CACNA1G: variants seen among roughly 807,000 people sequenced by gnomAD.
The protein encoded by CACNA1G is voltage-dependent T-type calcium channel subunit alpha-1G.
A neutral mutation model predicts 219.4 loss-of-function variants in CACNA1G; 67 were observed. The ratio of observed to expected loss-of-function variants is 0.31; its 90% CI spans 0.25 to 0.37. The LOEUF (loss-of-function observed/expected upper bound fraction) is 0.37. Ranked by LOEUF, CACNA1G falls within the 10% of genes least tolerant of loss-of-function variation. The pLI, the probability that CACNA1G is intolerant of heterozygous loss-of-function variation, is 1.00. For missense variants in CACNA1G, 2,380 were observed against 3,231.4 expected, an observed-to-expected ratio of 0.74 and a Z score of 6.39; for synonymous variants, 1,296 against 1,345.3, an observed-to-expected ratio of 0.96 and a Z score of 0.80.
At chr17:50,613,564 G>A (rs1257576240) in intron 26 of CACNA1G, among the ~76,000 whole-genome samples, 3 of 152,212 alleles carry the variant, frequency 2.0e-5, no homozygotes, top group African/African-American at 7.2e-5. Flanking sequence ...GGGTGACGGG[G>A]AGAGGAGGGC....
At chr17:50,576,751 G>C (rs184872653) in intron 8 of CACNA1G, among the ~76,000 whole-genome samples, 1 of 152,226 alleles carries the variant, frequency 6.6e-6, no homozygotes. Context: ...CTTGCCCAAG[G>C]CTTTGCTATT....
chr17:50,575,879 C>A lies in CACNA1G; in HGVS notation c.1477C>A (p.His493Asn). The A allele has an allele frequency of 6.4e-7, 1 of 1,554,862 alleles. No individual in the cohort carries two copies. The highest frequency in any genetic ancestry group is 8.7e-7 in the Non-Finnish European group (1 of 1,150,546). The change falls in exon 8 of 38, where the codon CAC (histidine) becomes AAC (asparagine). Residue 493 changes from histidine to asparagine, a missense_variant. By Grantham distance (68) the His-to-Asn change is moderately conservative (BLOSUM62 1). Coordinates refer to ENST00000359106, the MANE Select transcript of CACNA1G (RefSeq NM_018896.5). ...CTCCCACCGCCGCCTATCCGTCCAC[C>A]ACCTGGTGCACCACCACCACCACCA... ...SRSHRRLSVH[H>N]LVHHHHHHHH...
intron 26 of CACNA1G, among the ~76,000 whole-genome samples, chr17:50,612,437 A>G (rs2049410812): frequency 6.6e-6 from 1 of 152,156 alleles, no homozygotes; most frequent in Non-Finnish European, 1.5e-5. Context: ...GCCCCACGGG[A>G]CGGCTAAGCC....
intron 1 of CACNA1G, among the ~76,000 whole-genome samples, chr17:50,565,382 T>TC (rs1555632630): frequency 2.9e-4 from 33 of 113,424 alleles, no homozygotes; most frequent in Admixed American, 6.8e-4. Context: ...GCTTGTGGGG[T>TC]GGGGCGGGGG....
At position 50,621,860 on chromosome 17, in the gene CACNA1G, A is replaced by T; in HGVS notation, c.6060+66A>T. The T allele has an allele frequency of 2.5e-6, 4 of 1,588,516 alleles. No individual in the cohort carries two copies. The South Asian group carries it at 4.4e-5, about 18-fold the overall frequency. On this transcript the variant is annotated intron_variant, in intron 35 of 37. Coordinates refer to ENST00000359106, the MANE Select transcript of CACNA1G (RefSeq NM_018896.5). The surrounding 1 kb of genome is among the most constrained non-coding windows in gnomAD (Gnocchi z 4.6). ...GGCTGGACTGGCTGCAGGGCTCCAG[A>T]TCGGCCCAGGGAGGGTCCTGGGGCC...
chr17:50,599,822 C>A lies in CACNA1G; in HGVS notation c.3653C>A (p.Pro1218Gln), dbSNP rs368770577. The A allele has an allele frequency of 6.8e-6, 11 of 1,611,208 alleles. No individual in the cohort carries two copies. The highest frequency in any genetic ancestry group is 1.6e-4 in the Middle Eastern group (1 of 6,084). The change falls in exon 17 of 38, where the codon CCA becomes CAA. Residue 1218 changes from proline to glutamine, a missense_variant. Physicochemically the swap from Pro to Gln is moderately conservative, Grantham distance 76. Coordinates refer to ENST00000359106, the MANE Select transcript of CACNA1G (RefSeq NM_018896.5). ...CGGGCCCTGCGGCCTGATGACCCCC[C>A]ACTGGATGGGGATGACGCCGATGAC... The part of the protein sequence containing the change: ...LARALRPDDP[P>Q]LDGDDADDEG...
At chr17:50,587,128 T>C (rs1263172814) in intron 9 of CACNA1G, among the ~76,000 whole-genome samples, 2 of 152,060 alleles carry the variant, frequency 1.3e-5, no homozygotes, top group Non-Finnish European at 2.9e-5. Flanking sequence ...GTTTGTGTGC[T>C]CTCTGTGTGA....
chr17:50,590,392 C>CTGG, intron 9 of CACNA1G, 79 bp from the exon 10 acceptor site: 1 of 1,489,376 alleles, frequency 6.7e-7, no homozygotes, highest in Non-Finnish European at 9.3e-7. Context: ...CCTCCTCTCC[C>CTGG]TGGTGTCCCA....
chr17:50,623,259 G>A, intron 35 of CACNA1G, among the ~76,000 whole-genome samples: 1 of 118,798 alleles, frequency 8.4e-6, no homozygotes. Context: ...ACCATATCCA[G>A]CTAATTTTTT....
At chr17:50,570,973 C>A (rs2039309023) in intron 4 of CACNA1G, among the ~76,000 whole-genome samples, 1 of 152,140 alleles carries the variant, frequency 6.6e-6, no homozygotes, top group Non-Finnish European at 1.5e-5. Context: ...GGGGGTGAAG[C>A]CAGCCATTAG....
intron 9 of CACNA1G, among the ~76,000 whole-genome samples, chr17:50,581,895 A>T (rs2042034731): frequency 6.6e-6 from 1 of 152,220 alleles, no homozygotes; most frequent in South Asian, 2.1e-4. Context: ...TTTGCTGGTA[A>T]ATGATTAACA....
rs556788521 is a variant in CACNA1G at position 50,605,236 on chromosome 17, C to T, written c.4297-662C>T. Among the ~76,000 whole-genome samples the T allele has an allele frequency of 1.4e-4, 21 of 152,278 alleles. No homozygotes were observed. In the South Asian group the frequency reaches 2.7e-3, roughly 20 times the overall value. On this transcript the variant is annotated intron_variant, in intron 22 of 37. Transcript: ENST00000359106. ...GCTCAGGCCCCCTGGTCCTGCCTTC[C>T]GTTTTTCACTAGTGGTCATAGCCTG...
chr17:50,618,602 C>T lies in CACNA1G; in HGVS notation c.5428-53C>T. On this transcript the variant is annotated intron_variant, in intron 32 of 37. Coordinates refer to ENST00000359106, the MANE Select transcript of CACNA1G (RefSeq NM_018896.5). This position sits in a 1 kb window ranked among gnomAD's most constrained non-coding sequence, Gnocchi z 5.3. ...ACACCAGTGACCTGATTTTCCACAA[C>T]AGCTCCAACAACTGTCCTCCCCAGC... The T allele has an allele frequency of 1.4e-6, 2 of 1,388,290 alleles. No individual in the cohort carries two copies. The highest frequency in any genetic ancestry group is 1.3e-5 in the South Asian group (1 of 79,780). 86.0% of individuals were successfully genotyped at this position (1,388,290 alleles called of 1,614,324 possible).
chr17:50,577,773 G>T (rs142540644), intron 8 of CACNA1G, among the ~76,000 whole-genome samples: 6 of 152,122 alleles, frequency 3.9e-5, no homozygotes, highest in Non-Finnish European at 5.9e-5. Flanking sequence ...GTCTGGTGTG[G>T]GTGTGTGTGC....
intron 7 of CACNA1G, among the ~76,000 whole-genome samples, chr17:50,575,146 C>T (rs2040370501): frequency 6.6e-6 from 1 of 152,216 alleles, no homozygotes; most frequent in African/African-American, 2.4e-5. Flanking sequence ...ATTTCCACAG[C>T]ATTCGCTACT....
chr17:50,585,191 G>A (rs1422291022), intron 9 of CACNA1G, among the ~76,000 whole-genome samples: 3 of 152,154 alleles, frequency 2.0e-5, no homozygotes, highest in African/African-American at 7.2e-5. Context: ...TGCCCCCTGG[G>A]CTGGAATACA....
Position 50,619,598 on chromosome 17 carries a change from A to C in CACNA1G, c.5782-85A>C. ...TCTTTCTCCTCTGTTTCTCTTGTCA[A>C]TCCCCTTCCACGACACTTCCCATCA... On this transcript the variant is annotated intron_variant, in intron 33 of 37. Transcript: ENST00000359106. The C allele has an allele frequency of 6.0e-6, 8 of 1,344,086 alleles. 1 individual carries two copies. In the South Asian group the frequency reaches 1.0e-4, roughly 17 times the overall value. The allele number at this position is 1,344,086 out of a possible 1,614,324, so 83.3% of individuals were successfully genotyped here.
intron 9 of CACNA1G, among the ~76,000 whole-genome samples, chr17:50,581,547 A>G (rs1029833737): frequency 6.6e-6 from 1 of 151,958 alleles, no homozygotes; most frequent in South Asian, 2.1e-4. Flanking sequence ...CGTCCCCCCA[A>G]CCTGCGCTAC....
rs2145755344 is a variant in CACNA1G at position 50,599,775 on chromosome 17, G to A, written c.3606G>A (p.Lys1202=). The change falls in exon 17 of 38, where the codon AAG becomes AAA. Residue 1202 remains lysine, a synonymous_variant. Coordinates refer to ENST00000359106, the MANE Select transcript of CACNA1G (RefSeq NM_018896.5). ...CTGAGCACCAGGACTGCAATGGCAA[G>A]TCGGCTTCAGGGCGCCTGGCCCGGG... ...SASEHQDCNG[K]SASGRLARAL... is the part of the protein sequence containing the mutation. The A allele has an allele frequency of 6.2e-7, 1 of 1,613,412 alleles. No homozygotes were observed. The highest frequency in any genetic ancestry group is 1.1e-5 in the South Asian group (1 of 91,070).
Sources: allele counts gnomAD v4.1 joint callset (sites outside exome capture counted in the v4.1 genomes callset), GRCh38; gene constraint gnomAD v4.1.1; non-coding constraint Gnocchi (gnomAD v3.1); transcripts MANE v1.5; gene names NCBI Gene and HGNC (gene_info 2026-07-23, HGNC 2026-07-21).